Variants in MTUS2 observed in about 807,000 individuals in gnomAD.
The protein encoded by MTUS2 is microtubule associated scaffold protein 2.
Under a neutral mutation model 114.1 loss-of-function variants are expected in MTUS2, and 40 were observed. That is an observed-to-expected ratio of 0.35 (90% CI 0.27 to 0.46). MTUS2 has a LOEUF of 0.46. Among genes scored for constraint, MTUS2 ranks in the 20% least tolerant of loss-of-function variants. MTUS2 has a pLI of 1.00. For missense variants in MTUS2, 1,679 were observed against 1,705.4 expected, an observed-to-expected ratio of 0.98 and a Z score of 0.27; for synonymous variants, 688 against 672.0, an observed-to-expected ratio of 1.02 and a Z score of -0.37.
rs564543690 is a variant in MTUS2, at chr13:29,294,099, C to A, written c.2806+12234C>A. Among the ~76,000 whole-genome samples the A allele has an allele frequency of 1.1e-3, 172 of 152,074 alleles. 1 individual carries two copies. Among genetic ancestry groups the A allele is most frequent in the South Asian group, 4.8e-3 (23 of 4,816 alleles). The stretch of plus-strand genomic sequence containing the variant: ...TGAATAAAAAGGATAATAATTTGTT[C>A]TAAGGAAAGAGCATGAAGGTTACAG... On this transcript the variant is annotated intron_variant, in intron 6 of 15. Coordinates refer to ENST00000612955, the MANE Select transcript of MTUS2 (RefSeq NM_001033602.4).
chr13:29,317,503 A>G (rs1177491027), intron 6 of MTUS2, among the ~76,000 whole-genome samples: 1 of 11,964 alleles, frequency 8.4e-5, no homozygotes, highest in Non-Finnish European at 2.3e-4. Context: ...CAGTGGCGCA[A>G]TCTCGGCTCA....
chr13:29,082,948 G>A (rs1428509583), intron 4 of MTUS2, among the ~76,000 whole-genome samples: 3 of 152,124 alleles, frequency 2.0e-5, no homozygotes, highest in Non-Finnish European at 4.4e-5. Flanking sequence ...AATGCATGTT[G>A]ATTGCAGTTT....
chr13:29,034,149 C>A (rs748040699), intron 4 of MTUS2, 24 bp downstream of exon 4: 1 of 1,612,988 alleles, frequency 6.2e-7, no homozygotes, highest in South Asian at 1.1e-5. Flanking sequence ...CAGTTTCTGC[C>A]TTTTCCTGCT....
At chr13:29,060,680 C>T (rs2138644294) in intron 4 of MTUS2, among the ~76,000 whole-genome samples, 1 of 150,370 alleles carries the variant, frequency 6.7e-6, no homozygotes, top group Non-Finnish European at 1.5e-5. Context: ...TAATTTTAGA[C>T]TATTTACATT....
intron 10 of MTUS2, among the ~76,000 whole-genome samples, chr13:29,485,657 A>G (rs1881555407): frequency 6.6e-6 from 1 of 152,242 alleles, no homozygotes; most frequent in Non-Finnish European, 1.5e-5. Context: ...GTGGTATTCC[A>G]TCACCAATGA....
chr13:29,287,548 A>T (rs1006552282), intron 6 of MTUS2, among the ~76,000 whole-genome samples: 1 of 151,924 alleles, frequency 6.6e-6, no homozygotes, highest in African/African-American at 2.4e-5. Context: ...TCCCTCACTG[A>T]ACACATGTGT....
At chr13:29,197,998 A>G (rs1894774800) in intron 5 of MTUS2, among the ~76,000 whole-genome samples, 1 of 152,032 alleles carries the variant, frequency 6.6e-6, no homozygotes, top group South Asian at 2.1e-4. Flanking sequence ...CCATGCAAAA[A>G]TTTTCTTCCG....
At chr13:29,104,572 A>T (rs1409708906) in intron 5 of MTUS2, among the ~76,000 whole-genome samples, 3 of 152,232 alleles carry the variant, frequency 2.0e-5, no homozygotes, top group Middle Eastern at 3.4e-3. Flanking sequence ...AGTGCTCTCT[A>T]TGAGTTCAGA....
intron 4 of MTUS2, among the ~76,000 whole-genome samples, chr13:29,063,190 ATG>A (rs906751853): frequency 2.2e-4 from 33 of 152,188 alleles, no homozygotes; most frequent in Non-Finnish European, 4.9e-4. Flanking sequence ...GTAGATTTTT[ATG>A]TGTTTCATGT....
chr13:29,430,032 T>C (rs2138635840), intron 8 of MTUS2, among the ~76,000 whole-genome samples: 1 of 152,352 alleles, frequency 6.6e-6, no homozygotes, highest in South Asian at 2.1e-4. Flanking sequence ...CTAAAATATT[T>C]ATATACACAT....
chr13:29,365,162 T>G (rs1457158350), intron 8 of MTUS2, among the ~76,000 whole-genome samples: 1 of 152,164 alleles, frequency 6.6e-6, no homozygotes, highest in Non-Finnish European at 1.5e-5. Context: ...TAAAGGAAGT[T>G]TTTAGCACAA....
At chr13:28,879,175 C>G (rs1486447804) in intron 2 of MTUS2, among the ~76,000 whole-genome samples, 1 of 150,762 alleles carries the variant, frequency 6.6e-6, no homozygotes, top group Non-Finnish European at 1.5e-5. Flanking sequence ...ATTTTTTTTT[C>G]TTTTAAATTT....
intron 2 of MTUS2, among the ~76,000 whole-genome samples, chr13:28,840,078 G>C (rs1330733135): frequency 6.6e-6 from 1 of 150,596 alleles, no homozygotes; most frequent in East Asian, 1.9e-4. Flanking sequence ...TATTGACTGA[G>C]TTCAAGTAAC....
intron 6 of MTUS2, among the ~76,000 whole-genome samples, chr13:29,283,887 T>C (rs1221039322): frequency 6.6e-6 from 1 of 152,210 alleles, no homozygotes; most frequent in African/African-American, 2.4e-5. Flanking sequence ...CCAATCATAC[T>C]GGCAAAAATC....
chr13:29,383,207 A>T (rs184001871), intron 8 of MTUS2, among the ~76,000 whole-genome samples: 1 of 90,100 alleles, frequency 1.1e-5, no homozygotes, highest in African/African-American at 3.7e-5. Flanking sequence ...TTTAAATGAT[A>T]GGAAAATTGA....
At chr13:29,452,622 T>TA (rs1878798313) in intron 9 of MTUS2, among the ~76,000 whole-genome samples, 4 of 149,536 alleles carry the variant, frequency 2.7e-5, no homozygotes, top group African/African-American at 9.9e-5. Flanking sequence ...ATATATATAT[T>TA]TTGTAGAGAC....
chr13:29,037,319 A>G (rs1887127402), intron 4 of MTUS2, among the ~76,000 whole-genome samples: 1 of 152,144 alleles, frequency 6.6e-6, no homozygotes, highest in African/African-American at 2.4e-5. Context: ...TCTTTTCTTT[A>G]AGAATGTTGA....
chr13:29,119,815 C>T (rs2138901386), intron 5 of MTUS2, among the ~76,000 whole-genome samples: 1 of 152,282 alleles, frequency 6.6e-6, no homozygotes, highest in South Asian at 2.1e-4. Flanking sequence ...TAATATCTTC[C>T]AGAAACACCC....
intron 5 of MTUS2, among the ~76,000 whole-genome samples, chr13:29,104,458 C>G (rs1890568941): frequency 6.6e-6 from 1 of 152,100 alleles, no homozygotes; most frequent in African/African-American, 2.4e-5. Flanking sequence ...CTTGAGAGGC[C>G]CCTCAGGCTT....
Sources: allele counts gnomAD v4.1 joint callset (sites outside exome capture counted in the v4.1 genomes callset), GRCh38; gene constraint gnomAD v4.1.1; transcripts MANE v1.5; gene names NCBI Gene and HGNC (gene_info 2026-07-23, HGNC 2026-07-21).